Variants in PKIB observed in about 807,000 individuals in gnomAD.
PKIB encodes PKI-beta.
PKIB carries 2 observed loss-of-function variants against 4.5 expected under a neutral mutation model. The ratio of observed to expected loss-of-function variants is 0.44; its 90% CI spans 0.18 to 1.39. The LOEUF is 1.39. Ranked by LOEUF, PKIB falls within the 40% of genes most tolerant of loss-of-function variation. The pLI, the probability that PKIB is intolerant of heterozygous loss-of-function variation, is 0.27. For synonymous variants in PKIB, 38 were observed against 36.0 expected (o/e 1.06, Z -0.20); for missense variants, 94 against 92.6 (o/e 1.02, Z -0.06).
chr6:122,584,844 T>C (rs981133463), intron 2 of PKIB, among the ~76,000 whole-genome samples: 2 of 152,022 alleles, frequency 1.3e-5, no homozygotes, highest in Non-Finnish European at 1.5e-5. Context: ...GCTCAGACAC[T>C]GGGACACAAT....
intron 3 of PKIB, among the ~76,000 whole-genome samples, chr6:122,597,259 G>A (rs1255917998): frequency 6.6e-6 from 1 of 152,208 alleles, no homozygotes; most frequent in Non-Finnish European, 1.5e-5. Flanking sequence ...AGTGATCAAA[G>A]TCTCTCTGAA....
At chr6:122,589,791 G>C (rs949616110) in intron 3 of PKIB, among the ~76,000 whole-genome samples, 2 of 152,008 alleles carry the variant, frequency 1.3e-5, no homozygotes, top group Admixed American at 1.3e-4. Flanking sequence ...AAGAATAAGG[G>C]GGCAGCAATG....
intron 3 of PKIB, among the ~76,000 whole-genome samples, chr6:122,714,495 C>G (rs896237130): frequency 6.6e-6 from 1 of 152,118 alleles, no homozygotes; most frequent in Admixed American, 6.6e-5. Context: ...AATTAGAAAG[C>G]CTCTATGTGA....
At position 122,530,151 on chromosome 6, in the gene PKIB, C is replaced by G. The variant is rs79171579; in HGVS notation, c.-248+52212C>G. ...ATGTTTGATTCTCTGATTCAATCAT[C>G]TCAACTGACTTGTCTTCAAGTTTGC... On this transcript the variant is annotated intron_variant, in intron 2 of 6. Transcript: ENST00000392491. Among the ~76,000 whole-genome samples the G allele has an allele frequency of 4.6e-5, 7 of 152,154 alleles. No homozygotes were observed. The East Asian group carries it at 1.4e-3, about 29-fold the overall frequency.
intron 2 of PKIB, among the ~76,000 whole-genome samples, chr6:122,517,884 C>T (rs937387827): frequency 3.3e-5 from 5 of 152,080 alleles, no homozygotes; most frequent in Admixed American, 3.3e-4. Context: ...TTGATGAATC[C>T]GATTTTTCCA....
chr6:122,667,469 G>C (rs918420762), intron 2 of PKIB, among the ~76,000 whole-genome samples: 1 of 151,958 alleles, frequency 6.6e-6, no homozygotes, highest in Non-Finnish European at 1.5e-5. Context: ...CCCGGGAGGC[G>C]GAGCTTGCAG....
At chr6:122,563,164 T>C (rs770602271) in intron 2 of PKIB, among the ~76,000 whole-genome samples, 1 of 152,194 alleles carries the variant, frequency 6.6e-6, no homozygotes, top group Admixed American at 6.5e-5. Flanking sequence ...GTTCCCTTGA[T>C]GTAGTACTCT....
At chr6:122,520,527 A>C (rs1450682727) in intron 2 of PKIB, among the ~76,000 whole-genome samples, 2 of 152,110 alleles carry the variant, frequency 1.3e-5, no homozygotes, top group African/African-American at 4.8e-5. Context: ...ATTGGCACAC[A>C]TCTAAGTTCA....
At chr6:122,607,328 C>A (rs1562267724), upstream of PKIB, among the ~76,000 whole-genome samples, 2 of 151,664 alleles carry the variant, frequency 1.3e-5, no homozygotes, top group East Asian at 3.9e-4. Flanking sequence ...CAAAACAAAA[C>A]AAAACAAAAC....
intron 2 of PKIB, among the ~76,000 whole-genome samples, chr6:122,672,297 G>C (rs1271354587): frequency 1.3e-5 from 2 of 152,072 alleles, no homozygotes; most frequent in Admixed American, 6.6e-5. Context: ...CTTGAGTGTA[G>C]GCCTTCTGCT....
intron 2 of PKIB, among the ~76,000 whole-genome samples, chr6:122,564,017 T>C (rs1176748642): frequency 1.3e-5 from 2 of 152,206 alleles, no homozygotes; most frequent in Non-Finnish European, 2.9e-5. Context: ...TAGGGATTTC[T>C]TTCTCCCTAT....
At chr6:122,605,681 C>T (rs1009926754), upstream of PKIB, among the ~76,000 whole-genome samples, 2 of 152,124 alleles carry the variant, frequency 1.3e-5, no homozygotes, top group Non-Finnish European at 1.5e-5. Flanking sequence ...CTCCCCTCCC[C>T]TCCAAGAGGG....
chr6:122,658,675 A>G (rs189744075), intron 2 of PKIB, among the ~76,000 whole-genome samples: 3 of 151,766 alleles, frequency 2.0e-5, no homozygotes, highest in Admixed American at 1.3e-4. Flanking sequence ...GTCTTTCTGA[A>G]TTAAGGCCAG....
At chr6:122,663,078 G>C (rs895541058) in intron 2 of PKIB, among the ~76,000 whole-genome samples, 15 of 152,124 alleles carry the variant, frequency 9.9e-5, no homozygotes, top group African/African-American at 3.4e-4. Context: ...TCAGTGTGTT[G>C]AAACTTCTGG....
chr6:122,504,247 T>A (rs7764699), intron 2 of PKIB, among the ~76,000 whole-genome samples: 1,907 of 152,290 alleles, frequency 0.013, 45 homozygotes, highest in African/African-American at 0.044. Context: ...TAAATAAAGT[T>A]TTTGCTTCTT....
At position 122,687,494 on chromosome 6, in the gene PKIB, A is replaced by G. The variant is rs745486924; in HGVS notation, c.-9+12350A>G. 4.6e-5 allele frequency among the ~76,000 whole-genome samples: 7 copies of G among 152,132 alleles called. No homozygotes were observed. In the East Asian group the frequency reaches 1.2e-3, roughly 25 times the overall value. On this transcript the variant is annotated intron_variant, in intron 3 of 4. Transcript: ENST00000368452. ...TATAAATTTTAGGATAGTTTTTTCT[A>G]TTTCTGTGAAGAATGTCATTGATAT...
intron 1 of PKIB, among the ~76,000 whole-genome samples, chr6:122,475,219 C>T (rs1328279262): frequency 2.0e-5 from 3 of 152,148 alleles, no homozygotes; most frequent in African/African-American, 7.2e-5. Context: ...GCTGGGATTA[C>T]AGGCGTGTAC....
At chr6:122,565,293 T>G (rs570672466) in intron 2 of PKIB, among the ~76,000 whole-genome samples, 4 of 152,316 alleles carry the variant, frequency 2.6e-5, no homozygotes, top group South Asian at 2.1e-4. Flanking sequence ...ATATCATAGC[T>G]TCCCCTAGAT....
At chr6:122,561,720 A>G (rs766079327) in intron 2 of PKIB, among the ~76,000 whole-genome samples, 1 of 152,040 alleles carries the variant, frequency 6.6e-6, no homozygotes, top group Non-Finnish European at 1.5e-5. Context: ...TTTGTCTGAT[A>G]TAAGAAGAGC....
Sources: allele counts gnomAD v4.1 joint callset (sites outside exome capture counted in the v4.1 genomes callset), GRCh38; gene constraint gnomAD v4.1.1; transcripts MANE v1.5; gene names NCBI Gene and HGNC (gene_info 2026-07-23, HGNC 2026-07-21).